CRPPA: variants seen among roughly 807,000 people sequenced by gnomAD.
CRPPA encodes the protein D-ribitol-5-phosphate cytidylyltransferase.
CRPPA carries 43 observed loss-of-function variants against 52.0 expected under a neutral mutation model. That is an observed-to-expected ratio of 0.83 (90% confidence interval 0.65 to 1.07). CRPPA has a LOEUF of 1.07. Ranked by LOEUF, CRPPA falls within the 50% of genes least tolerant of loss-of-function variation. The pLI, the probability that CRPPA is intolerant of heterozygous loss-of-function variation, is 0.00. For missense variants in CRPPA, 629 were observed against 551.7 expected (o/e 1.14, Z -1.40); for synonymous variants, 250 against 203.5 (o/e 1.23, Z -1.94).
chr7:16,376,498 T>A (rs750423135), intron 2 of CRPPA, among the ~76,000 whole-genome samples: 1 of 152,016 alleles, frequency 6.6e-6, no homozygotes, highest in South Asian at 2.1e-4. Flanking sequence ...TCACAGGCCA[T>A]TGAAGTCAAC....
intron 4 of CRPPA, among the ~76,000 whole-genome samples, chr7:16,305,289 G>GA (rs1302090366): frequency 1.3e-5 from 2 of 151,956 alleles, no homozygotes; most frequent in African/African-American, 2.4e-5. Flanking sequence ...AGTTAACAGG[G>GA]AAAAAAATGT....
chr7:16,319,066 G>T (rs1785203858), intron 3 of CRPPA, among the ~76,000 whole-genome samples: 1 of 151,938 alleles, frequency 6.6e-6, no homozygotes, highest in African/African-American at 2.4e-5. Flanking sequence ...TCATAATTTT[G>T]GTTAAATCAG....
At chr7:16,258,531 C>A in intron 7 of CRPPA, 49 bp from the exon 8 acceptor site, 1 of 1,058,918 alleles carries the variant, frequency 9.4e-7, no homozygotes, top group South Asian at 1.5e-5. Flanking sequence ...TTTTAAATGA[C>A]TTAAAACTTA....
intron 9 of CRPPA, among the ~76,000 whole-genome samples, chr7:16,197,593 T>C (rs926925530): frequency 1.4e-4 from 21 of 151,892 alleles, no homozygotes; most frequent in Non-Finnish European, 2.8e-4. Context: ...TGCCTCTGCC[T>C]CTGCCTCTGA....
intron 3 of CRPPA, among the ~76,000 whole-genome samples, chr7:16,374,980 T>C (rs1237231679): frequency 1.3e-5 from 2 of 152,216 alleles, no homozygotes; most frequent in African/African-American, 2.4e-5. Context: ...TAATCTCACA[T>C]TTCAAATGTT....
chr7:16,390,326 T>C (rs975210205), intron 2 of CRPPA, among the ~76,000 whole-genome samples: 2 of 152,158 alleles, frequency 1.3e-5, no homozygotes, highest in Admixed American at 1.3e-4. Flanking sequence ...CACACAAGTA[T>C]AAAGCCCAAC....
At chr7:16,319,632 C>A (rs1215018954) in intron 3 of CRPPA, among the ~76,000 whole-genome samples, 4 of 152,086 alleles carry the variant, frequency 2.6e-5, no homozygotes, top group African/African-American at 9.7e-5. Context: ...AAAGAAAATT[C>A]TTCTAGTCTC....
At chr7:16,237,720 A>G (rs1379117549) in intron 8 of CRPPA, among the ~76,000 whole-genome samples, 1 of 152,234 alleles carries the variant, frequency 6.6e-6, no homozygotes, top group Non-Finnish European at 1.5e-5. Flanking sequence ...GATCACATCA[A>G]TTAATACTAG....
intron 9 of CRPPA, among the ~76,000 whole-genome samples, chr7:16,103,200 A>G (rs1025235119): frequency 3.3e-5 from 5 of 152,168 alleles, no homozygotes; most frequent in African/African-American, 1.2e-4. Flanking sequence ...AGACTAACAC[A>G]GCAAGAGAAA....
chr7:16,101,591 A>T (rs1057307537), intron 9 of CRPPA, among the ~76,000 whole-genome samples: 14 of 147,988 alleles, frequency 9.5e-5, no homozygotes, highest in East Asian at 7.8e-4. Flanking sequence ...TTAATCTTTT[A>T]AAAAAAAAAC....
At chr7:16,413,241 C>T (rs186758307) in intron 1 of CRPPA, among the ~76,000 whole-genome samples, 2 of 152,274 alleles carry the variant, frequency 1.3e-5, no homozygotes, top group African/African-American at 4.8e-5. Context: ...CAATGTGAAG[C>T]CTTCCTACTA....
intron 3 of CRPPA, among the ~76,000 whole-genome samples, chr7:16,329,422 C>T (rs887307169): frequency 1.3e-5 from 2 of 152,126 alleles, no homozygotes; most frequent in African/African-American, 4.8e-5. Context: ...AAATATATTC[C>T]CCTCTAGATT....
intron 3 of CRPPA, among the ~76,000 whole-genome samples, chr7:16,371,463 C>G (rs1003727240): frequency 6.6e-6 from 1 of 151,670 alleles, no homozygotes; most frequent in South Asian, 2.1e-4. Context: ...CATCTTCTCC[C>G]CTAAAAGCAC....
At chr7:16,138,152 C>T (rs571929143) in intron 9 of CRPPA, among the ~76,000 whole-genome samples, 5 of 152,182 alleles carry the variant, frequency 3.3e-5, no homozygotes, top group South Asian at 2.1e-4. Flanking sequence ...TTTCTCCATC[C>T]GAAGGCTTTA....
Position 16,089,476 on chromosome 7 carries a change from C to G in CRPPA, c.*2219G>C. ...ACATATATGTGTATATATGTACGTA[C>G]ATATATACGGGTATATATGTACGTA... On this transcript the variant is annotated 3_prime_UTR_variant, in exon 10 of 10. Transcript: ENST00000407010. 1 of 313,568 alleles carries G rather than the reference C, an allele frequency of 3.2e-6. No homozygotes were observed. The allele number at this position is 313,568 out of a possible 1,614,324, so 19.4% of individuals were successfully genotyped here.
intron 6 of CRPPA, among the ~76,000 whole-genome samples, chr7:16,272,223 G>A (rs907248567): frequency 6.6e-6 from 1 of 152,104 alleles, no homozygotes. Context: ...GCCTGTGAAT[G>A]GGGGGAGTAG....
In CRPPA at chr7:16,376,197, T is replaced by C; in HGVS notation, c.579A>G (p.Pro193=). The C allele has an allele frequency of 1.2e-6, 2 of 1,613,306 alleles. No homozygotes were observed. Among genetic ancestry groups the C allele is most frequent in the East Asian group, 2.2e-5 (1 of 44,846 alleles). Residue 193 remains proline (P), a synonymous_variant, in exon 3 of 10, where the codon CCA becomes CCG. Coordinates refer to ENST00000407010, the MANE Select transcript of CRPPA (RefSeq NM_001101426.4). ...IRPLVSTVVS[P]SADGCLDYSL... is the part of the protein sequence containing the mutation. The stretch of plus-strand genomic sequence containing the variant: ...AGTAGTCTAAGCAACCATCAGCAGA[T>C]GGACTGACGACAGTAGATACAAGAG...
At chr7:16,310,713 T>C (rs1346236920) in intron 3 of CRPPA, among the ~76,000 whole-genome samples, 1 of 151,880 alleles carries the variant, frequency 6.6e-6, no homozygotes, top group Non-Finnish European at 1.5e-5. Context: ...ATTCCAAAGA[T>C]GAACAACATT....
intron 8 of CRPPA, among the ~76,000 whole-genome samples, chr7:16,243,677 C>T (rs1489453532): frequency 5.9e-5 from 9 of 151,878 alleles, no homozygotes; most frequent in African/African-American, 1.7e-4. Flanking sequence ...AAAAAATAAC[C>T]ACCTCAAAGC....
Sources: allele counts gnomAD v4.1 joint callset (sites outside exome capture counted in the v4.1 genomes callset), GRCh38; gene constraint gnomAD v4.1.1; transcripts MANE v1.5; gene names NCBI Gene and HGNC (gene_info 2026-07-23, HGNC 2026-07-21).